FAM135A: variants seen among roughly 807,000 people sequenced by gnomAD.
The protein encoded by FAM135A is family with sequence similarity 135 member A.
In FAM135A, 79 loss-of-function variants were observed where a neutral mutation model predicts 146.8. That is an observed-to-expected ratio of 0.54 (90% CI 0.45 to 0.65). FAM135A has a LOEUF of 0.65. Ranked by LOEUF, FAM135A falls within the 30% of genes least tolerant of loss-of-function variation. The pLI, the probability that FAM135A is intolerant of heterozygous loss-of-function variation, is 0.00. For missense variants in FAM135A, 1,623 were observed against 1,758.2 expected (o/e 0.92, Z 1.38); for synonymous variants, 562 against 603.6 (o/e 0.93, Z 1.01).
In FAM135A at chr6:70,450,716, G is replaced by GTT. The variant is rs546674936; in HGVS notation, c.78-1735_78-1734dup. ...CTCAGGGAGTGTGACCCTTTTAGTT[G>GTT]TTTTTTTTTTTTTTTTTTTTTTTTT... On this transcript the variant is annotated intron_variant, in intron 4 of 21. Transcript: ENST00000418814. Among the ~76,000 whole-genome samples the GTT allele has an allele frequency of 5.7e-3, 161 of 28,338 alleles. 30 individuals carry two copies. The highest frequency in any genetic ancestry group is 7.9e-3 in the Non-Finnish European group (104 of 13,084). The allele number at this position is 28,338 out of a possible 152,430, so 18.6% of individuals were successfully genotyped here. A position where few individuals can be genotyped will look rare whatever the true frequency, so the allele number is the denominator to read the frequency against.
At chr6:70,445,910 C>T in intron 4 of FAM135A, among the ~76,000 whole-genome samples, 1 of 152,212 alleles carries the variant, frequency 6.6e-6, no homozygotes, top group East Asian at 1.9e-4. Context: ...AAAGCAAAGG[C>T]AGTTTTGTCA....
At chr6:70,481,929 T>C in intron 9 of FAM135A, 72 bp from the exon 10 acceptor site, 1 of 1,431,536 alleles carries the variant, frequency 7.0e-7, no homozygotes, top group Non-Finnish European at 9.3e-7. Flanking sequence ...ATTTTTTCTT[T>C]ATTTTTCCAA....
chr6:70,467,785 G>T (rs1283333289), intron 5 of FAM135A, among the ~76,000 whole-genome samples: 1 of 151,502 alleles, frequency 6.6e-6, no homozygotes, highest in African/African-American at 2.4e-5. Context: ...GTGCTCTTTT[G>T]TCTGAGTGTT....
intron 12 of FAM135A, among the ~76,000 whole-genome samples, chr6:70,516,025 A>G (rs910101836): frequency 3.9e-5 from 6 of 152,148 alleles, no homozygotes; most frequent in African/African-American, 1.4e-4. Context: ...ATTGTAGATT[A>G]TATTTTCCTG....
intron 12 of FAM135A, among the ~76,000 whole-genome samples, chr6:70,515,436 A>G (rs539317924): frequency 1.3e-5 from 2 of 152,352 alleles, no homozygotes; most frequent in African/African-American, 4.8e-5. Flanking sequence ...AAAAGAAATG[A>G]TCAGTGAAGC....
At chr6:70,445,067 T>A (rs1229198281) in intron 4 of FAM135A, among the ~76,000 whole-genome samples, 1 of 152,204 alleles carries the variant, frequency 6.6e-6, no homozygotes, top group African/African-American at 2.4e-5. Context: ...TATTGTTTCA[T>A]CTAATGTTAG....
intron 20 of FAM135A, among the ~76,000 whole-genome samples, chr6:70,549,660 A>G (rs1011230588): frequency 2.0e-5 from 3 of 152,196 alleles, no homozygotes; most frequent in Non-Finnish European, 4.4e-5. Flanking sequence ...ATTGTTAAAA[A>G]TGCTAATGAT....
At chr6:70,524,184 T>C (rs749680830) in intron 14 of FAM135A, 63 bp downstream of exon 14, 1 of 1,486,780 alleles carries the variant, frequency 6.7e-7, no homozygotes, top group South Asian at 1.3e-5. Flanking sequence ...TTCTTCCTAA[T>C]ATACATAAAA....
At chr6:70,448,710 G>A (rs759462019) in intron 4 of FAM135A, among the ~76,000 whole-genome samples, 4 of 152,200 alleles carry the variant, frequency 2.6e-5, no homozygotes, top group Non-Finnish European at 4.4e-5. Context: ...CAGCAAGCCA[G>A]TCATTAGCAT....
Position 70,525,794 on chromosome 6 carries a change from G to A in FAM135A, c.2710G>A (p.Asp904Asn), listed in dbSNP as rs1794575863. The change falls in exon 15 of 22, where the codon GAC becomes AAC. Residue 904 changes from aspartate (D) to asparagine (N), a missense_variant. Asp to Asn is a conservative substitution (Grantham distance 23, BLOSUM62 1). Coordinates refer to ENST00000418814, the MANE Select transcript of FAM135A (RefSeq NM_001162529.3). ...GAGTGTTGTATTTTCAGGGAACTTGGACAATGAAACTGTAGCAATACATTC... is the reference window on the plus strand; with the variant it reads ...GAGTGTTGTATTTTCAGGGAACTTGAACAATGAAACTGTAGCAATACATTC... ...QQSVVFSGNL[D>N]NETVAIHSLN... is the part of the protein sequence containing the mutation. 6.2e-7 allele frequency: 1 copy of A among 1,613,230 alleles called. No homozygotes were observed.
At chr6:70,512,241 G>T (rs896014920) in intron 12 of FAM135A, among the ~76,000 whole-genome samples, 1 of 151,696 alleles carries the variant, frequency 6.6e-6, no homozygotes, top group Non-Finnish European at 1.5e-5. Context: ...TTTCTTTATC[G>T]TTGAGTAGTA....
chr6:70,538,795 A>ATTATG (rs61314918), intron 20 of FAM135A, among the ~76,000 whole-genome samples: 13 of 136,532 alleles, frequency 9.5e-5, no homozygotes, highest in East Asian at 4.2e-4. Flanking sequence ...CTACCTTCAT[A>ATTATG]TTATGTTATG....
At position 70,464,413 on chromosome 6, in the gene FAM135A, T is replaced by C. The variant is rs1044464674; in HGVS notation, c.158-10997T>C. 3.3e-5 allele frequency among the ~76,000 whole-genome samples: 5 copies of C among 152,182 alleles called. No homozygotes were observed. In the East Asian group the frequency reaches 9.6e-4, roughly 29 times the overall value. On this transcript the variant is annotated intron_variant, in intron 5 of 21. Coordinates refer to ENST00000418814, the MANE Select transcript of FAM135A (RefSeq NM_001162529.3). ...ATGACTGCCTACTATGTGTGAGACC[T>C]AAGTGCTCAGTCCTAAATTAAAGCA...
intron 11 of FAM135A, among the ~76,000 whole-genome samples, chr6:70,502,393 C>G (rs1178713748): frequency 6.6e-6 from 1 of 151,820 alleles, no homozygotes; most frequent in Non-Finnish European, 1.5e-5. Context: ...TTTCAGTTAA[C>G]AAGACATCTT....
intron 20 of FAM135A, among the ~76,000 whole-genome samples, chr6:70,551,955 G>A (rs910876666): frequency 2.6e-5 from 4 of 152,146 alleles, no homozygotes; most frequent in Admixed American, 2.6e-4. Flanking sequence ...GACACAAAGT[G>A]AATATGTACT....
At position 70,553,677 on chromosome 6, in the gene FAM135A, A is replaced by G. The variant is rs1019077830; in HGVS notation, c.4229-3073A>G. On this transcript the variant is annotated intron_variant, in intron 20 of 21. Transcript: ENST00000418814. ...ATGGATGTGAAATTTTCTAAACGTT[A>G]CAATGAAATCTTTTTTTTAAAAAGA... Among the ~76,000 whole-genome samples, 8 of 150,448 alleles carry G rather than the reference A, an allele frequency of 5.3e-5. No individual in the cohort carries two copies. In the East Asian group the frequency reaches 1.5e-3, roughly 29 times the overall value.
At chr6:70,517,407 T>TCTTC (rs977757793) in intron 12 of FAM135A, among the ~76,000 whole-genome samples, 15 of 148,928 alleles carry the variant, frequency 1.0e-4, no homozygotes, top group African/African-American at 3.2e-4. Flanking sequence ...GGTGTGCACG[T>TCTTC]CTTTTTCCTT....
Position 70,536,331 on chromosome 6 carries a change from T to G in FAM135A, c.4037T>G (p.Leu1346Arg), listed in dbSNP as rs1486913148. Reference protein sequence around the residue: ...VLTRPRFKYYLNKLHTFLSLS... With the variant: ...VLTRPRFKYYRNKLHTFLSLS... Reference sequence around the variant, plus strand: ...ACAAGGCCAAGGTTTAAATATTACCTCAACAAACTTCATACCTTTCTGTCT... The same window carrying G: ...ACAAGGCCAAGGTTTAAATATTACCGCAACAAACTTCATACCTTTCTGTCT... Residue 1346 changes from leucine (L) to arginine (R), a missense_variant, in exon 19 of 22, where the codon CTC (leucine) becomes CGC (arginine). By Grantham distance (102) the Leu-to-Arg change is moderately radical. Coordinates refer to ENST00000418814, the MANE Select transcript of FAM135A (RefSeq NM_001162529.3). 1.2e-6 allele frequency: 2 copies of G among 1,613,324 alleles called. No individual in the cohort carries two copies. Among genetic ancestry groups the G allele is most frequent in the Non-Finnish European group, 1.7e-6 (2 of 1,179,682 alleles).
rs546674936 is a variant in FAM135A, at chr6:70,450,716, G to GTTTTTTTTTTTTTTTTTT, written c.78-1751_78-1734dup. Among the ~76,000 whole-genome samples the GTTTTTTTTTTTTTTTTTT allele has an allele frequency of 4.9e-4, 14 of 28,350 alleles. 4 individuals are homozygous for GTTTTTTTTTTTTTTTTTT. Among genetic ancestry groups the GTTTTTTTTTTTTTTTTTT allele is most frequent in the Non-Finnish European group, 1.1e-3 (14 of 13,090 alleles). 18.6% of individuals were successfully genotyped at this position (28,350 alleles called of 152,430 possible). ...CTCAGGGAGTGTGACCCTTTTAGTT[G>GTTTTTTTTTTTTTTTTTT]TTTTTTTTTTTTTTTTTTTTTTTTT... On this transcript the variant is annotated intron_variant, in intron 4 of 21. Coordinates refer to ENST00000418814, the MANE Select transcript of FAM135A (RefSeq NM_001162529.3).
Sources: gnomAD v4.1 joint callset for allele counts (sites outside exome capture counted in the v4.1 genomes callset) on GRCh38, gnomAD v4.1.1 for gene constraint, MANE v1.5 for transcripts, NCBI Gene and HGNC (gene_info 2026-07-23, HGNC 2026-07-21) for gene names.